Variants in BBS7 observed in about 807,000 individuals in gnomAD.
The protein encoded by BBS7 is Bardet-Biedl syndrome 7.
BBS7 carries 50 observed loss-of-function variants against 90.3 expected under a neutral mutation model. That is an observed-to-expected ratio of 0.55 (90% CI 0.44 to 0.70). The LOEUF is 0.70. Among genes scored for constraint, BBS7 ranks in the 30% least tolerant of loss-of-function variants. The pLI, the probability that BBS7 is intolerant of heterozygous loss-of-function variation, is 0.00. For missense variants in BBS7, 729 were observed against 838.9 expected (o/e 0.87, Z 1.62); for synonymous variants, 235 against 287.4 (o/e 0.82, Z 1.85).
At position 121,840,674 on chromosome 4, in the gene BBS7, CATAAG is replaced by C. The variant is rs558847840; in HGVS notation, c.1306-983_1306-979del. ...TGGATTACAAAAAGAGACACAGCAA[CATAAG>C]ATAATTTATATGTAATTTTTGAGAC... On this transcript the variant is annotated intron_variant, in intron 12 of 18. Coordinates refer to ENST00000264499, the MANE Select transcript of BBS7 (RefSeq NM_176824.3). Among the ~76,000 whole-genome samples the C allele has an allele frequency of 4.1e-4, 62 of 152,090 alleles. No individual in the cohort carries two copies. The South Asian group carries it at 0.012, about 30-fold the overall frequency.
In BBS7 at chr4:121,866,645, T is replaced by C. The variant is rs1385169151; in HGVS notation, c.102+1336A>G. 2.0e-5 allele frequency among the ~76,000 whole-genome samples: 3 copies of C among 152,186 alleles called. No homozygotes were observed. In the East Asian group the frequency reaches 5.8e-4, roughly 29 times the overall value. On this transcript the variant is annotated intron_variant, in intron 2 of 18. Transcript: ENST00000264499. ...GGTCTTGGTTTCATCCTTCTGCATA[T>C]GAATATTCAGTTTTCCCAGCACCAT...
At chr4:121,830,489 C>A (rs1725129856) in intron 15 of BBS7, among the ~76,000 whole-genome samples, 1 of 152,152 alleles carries the variant, frequency 6.6e-6, no homozygotes, top group East Asian at 1.9e-4. Flanking sequence ...TTTTAGAAAT[C>A]ATGACATTTC....
At chr4:121,836,070 T>C (rs1256273919) in intron 13 of BBS7, among the ~76,000 whole-genome samples, 4 of 152,184 alleles carry the variant, frequency 2.6e-5, no homozygotes, top group Admixed American at 2.0e-4. Flanking sequence ...TCTGTGAAAA[T>C]AGAGATGCAT....
In BBS7 at chr4:121,828,196, T is replaced by C. The variant is rs1335128724; in HGVS notation, c.1964A>G (p.His655Arg). ...TTGCTTTTTGTATTCTTCCTGTAGG[T>C]GATCTGCCTCTTCTAGAATACAGTG... is the stretch of plus-strand genomic sequence containing the variant. ...EYHCILEEADHLQEEYKKQPA... is the reference protein window; with the variant it reads ...EYHCILEEADRLQEEYKKQPA... The change falls in exon 18 of 19, where the codon CAC (histidine) becomes CGC (arginine). Residue 655 changes from histidine to arginine, a missense_variant. Physicochemically the swap from His to Arg is conservative, Grantham distance 29. Coordinates refer to ENST00000264499, the MANE Select transcript of BBS7 (RefSeq NM_176824.3). 1 of 1,613,714 alleles carries C rather than the reference T, an allele frequency of 6.2e-7. No homozygotes were observed. Among genetic ancestry groups the C allele is most frequent in the African/African-American group, 1.3e-5 (1 of 74,920 alleles).
chr4:121,860,217 A>T lies in BBS7; in HGVS notation c.342-1039T>A, dbSNP rs530739816. ...TTCTCTATGTTTTTCAAAATTTTAA[A>T]TTCCATTTTGAAACCAATCTGTATT... On this transcript the variant is annotated intron_variant, in intron 4 of 18. Coordinates refer to ENST00000264499, the MANE Select transcript of BBS7 (RefSeq NM_176824.3). Among the ~76,000 whole-genome samples, 9 of 152,158 alleles carry T rather than the reference A, an allele frequency of 5.9e-5. No individual in the cohort carries two copies. The East Asian group carries it at 1.7e-3, about 29-fold the overall frequency.
intron 5 of BBS7, 137 bp downstream of exon 5, chr4:121,858,855 C>A: frequency 1.2e-6 from 1 of 807,564 alleles, no homozygotes; most frequent in Non-Finnish European, 1.9e-6. Context: ...ATTAATATGT[C>A]AAATTATTTA....
intron 18 of BBS7, 185 bp downstream of exon 18, chr4:121,827,961 A>T: frequency 1.4e-6 from 2 of 1,405,798 alleles, no homozygotes; most frequent in Non-Finnish European, 1.8e-6. Flanking sequence ...TAAATATTAA[A>T]AGTAGCTTGA....
At chr4:121,864,372 T>C (rs982652788) in intron 2 of BBS7, among the ~76,000 whole-genome samples, 2 of 152,320 alleles carry the variant, frequency 1.3e-5, no homozygotes, top group Admixed American at 6.5e-5. Context: ...CAAAACAACA[T>C]AGCACAGCAG....
intron 13 of BBS7, among the ~76,000 whole-genome samples, chr4:121,835,810 A>T (rs757551926): frequency 1.1e-4 from 16 of 152,166 alleles, no homozygotes; most frequent in Non-Finnish European, 2.4e-4. Context: ...ATGAAAAATT[A>T]TTTTGTAATA....
At position 121,836,848 on chromosome 4, in the gene BBS7, T is replaced by C. The variant is rs542378157; in HGVS notation, c.1372-1565A>G. ...TTCTTTAACATTTTTTGCCAATCTG[T>C]TGGATAAGAAGAAACTGCTTTTTGT... On this transcript the variant is annotated intron_variant, in intron 13 of 18. Coordinates refer to ENST00000264499, the MANE Select transcript of BBS7 (RefSeq NM_176824.3). 2.6e-5 allele frequency among the ~76,000 whole-genome samples: 4 copies of C among 152,310 alleles called. No individual in the cohort carries two copies. In the East Asian group the frequency reaches 5.8e-4, roughly 22 times the overall value.
intron 2 of BBS7, among the ~76,000 whole-genome samples, chr4:121,866,528 C>T (rs995488052): frequency 1.3e-5 from 2 of 151,960 alleles, no homozygotes; most frequent in African/African-American, 4.8e-5. Flanking sequence ...GCCTCCCAAA[C>T]TGCAGGGATT....
chr4:121,850,857 G>C (rs1003763866), intron 8 of BBS7, among the ~76,000 whole-genome samples: 1 of 152,108 alleles, frequency 6.6e-6, no homozygotes, highest in African/African-American at 2.4e-5. Flanking sequence ...CTGCAAATTA[G>C]GCTATGATAG....
chr4:121,844,729 A>T (rs112371128), intron 11 of BBS7, among the ~76,000 whole-genome samples: 1 of 152,152 alleles, frequency 6.6e-6, no homozygotes, highest in Non-Finnish European at 1.5e-5. Flanking sequence ...ATGGAGTCAT[A>T]TATTATTATC....
intron 3 of BBS7, 100 bp from the exon 4 acceptor site, chr4:121,861,779 T>C: frequency 8.8e-7 from 1 of 1,140,508 alleles, no homozygotes; most frequent in Non-Finnish European, 1.3e-6. Flanking sequence ...TTGCAAAATA[T>C]TATAGTTCCA....
At chr4:121,829,564 G>A (rs1042605273) in intron 15 of BBS7, among the ~76,000 whole-genome samples, 15 of 152,180 alleles carry the variant, frequency 9.9e-5, no homozygotes, top group South Asian at 2.1e-4. Flanking sequence ...GGCCAGGATC[G>A]TTATTTTTCT....
intron 3 of BBS7, 45 bp from the exon 4 acceptor site, chr4:121,861,724 G>T: frequency 6.2e-7 from 1 of 1,600,708 alleles, no homozygotes; most frequent in East Asian, 2.2e-5. Context: ...TTACTTTATT[G>T]TGAGCATTTT....
In BBS7 at chr4:121,843,915, AT is replaced by A; in HGVS notation, c.1305+11del. On this transcript the variant is annotated intron_variant, in intron 12 of 18. Coordinates refer to ENST00000264499, the MANE Select transcript of BBS7 (RefSeq NM_176824.3). Reference sequence around the variant, plus strand: ...GAAAGCATGTGAAGAATTCTTTTATATTTTTACTCACCTCAGAATCACAGCT... The same window carrying A: ...GAAAGCATGTGAAGAATTCTTTTATATTTTACTCACCTCAGAATCACAGCT... The A allele has an allele frequency of 6.4e-7, 1 of 1,564,870 alleles. No individual in the cohort carries two copies. The highest frequency in any genetic ancestry group is 8.8e-7 in the Non-Finnish European group (1 of 1,141,970).
intron 15 of BBS7, among the ~76,000 whole-genome samples, chr4:121,828,996 T>C (rs1271114326): frequency 6.6e-6 from 1 of 152,218 alleles, no homozygotes; most frequent in African/African-American, 2.4e-5. Flanking sequence ...AAACAACTTT[T>C]ATCTTCATTT....
chr4:121,833,491 A>C (rs1725300683), intron 14 of BBS7, 96 bp from the exon 15 acceptor site: 1 of 1,085,782 alleles, frequency 9.2e-7, no homozygotes, highest in African/African-American at 1.6e-5. Flanking sequence ...ATAGTTGTTA[A>C]ATATAAATGA....
Sources: allele counts gnomAD v4.1 joint callset (sites outside exome capture counted in the v4.1 genomes callset), GRCh38; gene constraint gnomAD v4.1.1; transcripts MANE v1.5; gene names NCBI Gene and HGNC (gene_info 2026-07-23, HGNC 2026-07-21).